AFAP1L1: variants seen among roughly 807,000 people sequenced by gnomAD.
AFAP1L1 encodes the protein actin filament-associated protein 1-like 1.
In AFAP1L1, 77 loss-of-function variants were observed where a neutral mutation model predicts 99.8. The ratio of observed to expected loss-of-function variants is 0.77; its 90% CI spans 0.64 to 0.93. The LOEUF (loss-of-function observed/expected upper bound fraction) is 0.93. Among genes scored for constraint, AFAP1L1 ranks in the 40% least tolerant of loss-of-function variants. The pLI is 0.00. For synonymous variants in AFAP1L1, 373 were observed against 395.3 expected (o/e 0.94, Z 0.67); for missense variants, 893 against 996.8 (o/e 0.90, Z 1.40).
At chr5:149,328,424 A>G (rs1306055337) in intron 15 of AFAP1L1, among the ~76,000 whole-genome samples, 1 of 152,220 alleles carries the variant, frequency 6.6e-6, no homozygotes, top group African/African-American at 2.4e-5. Flanking sequence ...ACATGGAGAC[A>G]TGGGTTTAAC....
chr5:149,314,524 A>G (rs1756740202), intron 9 of AFAP1L1, among the ~76,000 whole-genome samples: 1 of 152,232 alleles, frequency 6.6e-6, no homozygotes, highest in Non-Finnish European at 1.5e-5. Context: ...AGTTCTTTCC[A>G]AAGTGCTCAT....
chr5:149,332,729 C>T lies in AFAP1L1; in HGVS notation c.2010C>T (p.Ala670=). The T allele has an allele frequency of 6.2e-7, 1 of 1,613,814 alleles. No individual in the cohort carries two copies. The highest frequency in any genetic ancestry group is 8.5e-7 in the Non-Finnish European group (1 of 1,179,978). ...AKLKALEEAV[A]TLEAQCRAKE... ...TAAAGGCTCTGGAAGAAGCCGTGGC[C>T]ACCCTGGAAGCTCAGTGTCGGGCAA... Residue 670 remains alanine (A), a synonymous_variant, in exon 17 of 19, where the codon GCC becomes GCT. Coordinates refer to ENST00000296721, the MANE Select transcript of AFAP1L1 (RefSeq NM_152406.4).
intron 12 of AFAP1L1, 25 bp downstream of exon 12, chr5:149,317,965 G>T: frequency 1.9e-6 from 3 of 1,552,298 alleles, no homozygotes; most frequent in Non-Finnish European, 2.6e-6. Flanking sequence ...TGGGACGTGG[G>T]TGGCTCTTGG....
chr5:149,314,407 G>A (rs1004609253), intron 9 of AFAP1L1, among the ~76,000 whole-genome samples: 2 of 151,960 alleles, frequency 1.3e-5, no homozygotes, highest in African/African-American at 4.8e-5. Context: ...CCACAGGGAG[G>A]GTAACTAGAA....
chr5:149,277,316 A>G (rs1474642135), intron 1 of AFAP1L1, among the ~76,000 whole-genome samples: 1 of 152,216 alleles, frequency 6.6e-6, no homozygotes, highest in African/African-American at 2.4e-5. Context: ...TTTTCATGAA[A>G]TGAGATTTTC....
At chr5:149,279,518 T>G (rs1293825925) in intron 1 of AFAP1L1, among the ~76,000 whole-genome samples, 3 of 151,428 alleles carry the variant, frequency 2.0e-5, no homozygotes, top group African/African-American at 7.4e-5. Flanking sequence ...ATTATAGCTT[T>G]TAATAGGACT....
At chr5:149,313,300 G>A (rs770161961) in intron 9 of AFAP1L1, among the ~76,000 whole-genome samples, 1 of 152,292 alleles carries the variant, frequency 6.6e-6, no homozygotes, top group South Asian at 2.1e-4. Flanking sequence ...ACAGTCAAGG[G>A]GAAGGGTTAA....
chr5:149,329,699 C>T lies in AFAP1L1; in HGVS notation c.1844C>T (p.Ala615Val), dbSNP rs536498859. The change falls in exon 16 of 19, where the codon GCC becomes GTC. Residue 615 changes from alanine (A) to valine (V), a missense_variant. Transcript: ENST00000296721. ...CAATACAAGTATGGCAAGAACCGAG[C>T]CGAGGAGGATGCCCGGAGGTACTTG... Reference protein sequence around the residue: ...ANQYKYGKNRAEEDARRYLVE... With the variant: ...ANQYKYGKNRVEEDARRYLVE... 1.2e-6 allele frequency: 2 copies of T among 1,613,946 alleles called. No homozygotes were observed. Among genetic ancestry groups the T allele is most frequent in the Admixed American group, 1.7e-5 (1 of 59,994 alleles).
chr5:149,286,342 T>C (rs1184222240), intron 1 of AFAP1L1, among the ~76,000 whole-genome samples: 1 of 152,092 alleles, frequency 6.6e-6, no homozygotes, highest in Non-Finnish European at 1.5e-5. Flanking sequence ...AGGTAGCAGT[T>C]GGAGAACAGA....
rs1244824031 is a variant in AFAP1L1, at chr5:149,320,792, C to T, written c.1698+329C>T. 1.3e-5 allele frequency among the ~76,000 whole-genome samples: 2 copies of T among 152,246 alleles called. No individual in the cohort carries two copies. The highest frequency in any genetic ancestry group is 4.8e-5 in the African/African-American group (2 of 41,460). On this transcript the variant is annotated intron_variant, in intron 14 of 18. Transcript: ENST00000296721. The surrounding 1 kb of genome is among the most constrained non-coding windows in gnomAD (Gnocchi z 4.0). ...TTTACCACTCTGTGAACTTATCCTG[C>T]TGATTCCGTGGTGTCTGGGGCAGGT...
At chr5:149,305,878 CCACACA>C (rs56036411) in intron 5 of AFAP1L1, among the ~76,000 whole-genome samples, 48,160 of 142,116 alleles carry the variant, frequency 0.34, 8,276 homozygotes, top group Non-Finnish European at 0.37. Context: ...GACCAACACA[CCACACA>C]CACACACACA....
In AFAP1L1 at chr5:149,332,796, G is replaced by A. The variant is rs1463628851; in HGVS notation, c.2077G>A (p.Val693Met). 5 of 1,613,258 alleles carry A rather than the reference G, an allele frequency of 3.1e-6. No homozygotes were observed. The highest frequency in any genetic ancestry group is 2.2e-5 in the East Asian group (1 of 44,886). Residue 693 changes from valine (V) to methionine (M), a missense_variant, in exon 17 of 19, where the codon GTG (valine) becomes ATG (methionine). By Grantham distance (21) the Val-to-Met change is conservative. Coordinates refer to ENST00000296721, the MANE Select transcript of AFAP1L1 (RefSeq NM_152406.4). ...TGACCTGGAGCTGAAGCTGGTGGCT[G>A]TGAAGGAGCGCTTGCAGCAGTCCCT... is the stretch of plus-strand genomic sequence containing the variant. ...RIDLELKLVA[V>M]KERLQQSLAG...
intron 1 of AFAP1L1, among the ~76,000 whole-genome samples, chr5:149,289,143 A>G (rs1340595285): frequency 6.6e-6 from 1 of 152,204 alleles, no homozygotes; most frequent in African/African-American, 2.4e-5. Flanking sequence ...AGGGGGTTAA[A>G]TAACTCATCC....
intron 5 of AFAP1L1, 48 bp from the exon 6 acceptor site, chr5:149,306,258 A>T: frequency 6.5e-7 from 1 of 1,528,540 alleles, no homozygotes; most frequent in Non-Finnish European, 9.0e-7. Context: ...TGGCCCCTGG[A>T]GTCTGCCTGC....
At chr5:149,337,529 C>G (rs142969425) in intron 18 of AFAP1L1, among the ~76,000 whole-genome samples, 9 of 152,284 alleles carry the variant, frequency 5.9e-5, no homozygotes, top group Non-Finnish European at 1.3e-4. Flanking sequence ...ACTAAACACT[C>G]TTGAACATGT....
intron 18 of AFAP1L1, among the ~76,000 whole-genome samples, chr5:149,336,626 G>A (rs1165443738): frequency 6.6e-6 from 1 of 152,210 alleles, no homozygotes; most frequent in Non-Finnish European, 1.5e-5. Context: ...GGCATCACAG[G>A]GTGAGGGGGC....
At chr5:149,274,241 G>A (rs1485111757) in intron 1 of AFAP1L1, among the ~76,000 whole-genome samples, 3 of 152,232 alleles carry the variant, frequency 2.0e-5, no homozygotes, top group Non-Finnish European at 2.9e-5. Context: ...GGCACATAGT[G>A]CACAGTGAGG....
At chr5:149,331,893 A>G (rs1257527158) in intron 16 of AFAP1L1, among the ~76,000 whole-genome samples, 1 of 152,060 alleles carries the variant, frequency 6.6e-6, no homozygotes, top group African/African-American at 2.4e-5. Context: ...ATGGCTGCAC[A>G]GTGCCAGCCC....
In AFAP1L1 at chr5:149,320,267, T is replaced by C; in HGVS notation, c.1626-124T>C. 1.1e-6 allele frequency: 1 copy of C among 918,622 alleles called. No individual in the cohort carries two copies. The highest frequency in any genetic ancestry group is 1.7e-6 in the Non-Finnish European group (1 of 587,076). The allele number at this position is 918,622 out of a possible 1,614,324, so 56.9% of individuals were successfully genotyped here. On this transcript the variant is annotated intron_variant, in intron 13 of 18. Transcript: ENST00000296721. The surrounding 1 kb of genome is among the most constrained non-coding windows in gnomAD (Gnocchi z 4.0). ...CACAATGCTGCCTGCCATCTTGCTT[T>C]TACCAATCTTCTGATCTGCCTTAAG...
Sources: allele counts gnomAD v4.1 joint callset (sites outside exome capture counted in the v4.1 genomes callset), GRCh38; gene constraint gnomAD v4.1.1; non-coding constraint Gnocchi (gnomAD v3.1); transcripts MANE v1.5; gene names NCBI Gene and HGNC (gene_info 2026-07-23, HGNC 2026-07-21).